Variants in SPIDR observed in about 807,000 individuals in gnomAD.
SPIDR encodes the protein DNA repair-scaffolding protein.
In SPIDR, 93 loss-of-function variants were observed where a neutral mutation model predicts 104.6. The ratio of observed to expected loss-of-function variants is 0.89; its 90% CI spans 0.75 to 1.06. The LOEUF (loss-of-function observed/expected upper bound fraction) is 1.06. Among genes scored for constraint, SPIDR ranks in the 50% least tolerant of loss-of-function variants. The pLI is 0.00. For missense variants in SPIDR, 1,154 were observed against 1,111.2 expected, an observed-to-expected ratio of 1.04 and a Z score of -0.55; for synonymous variants, 431 against 416.9, an observed-to-expected ratio of 1.03 and a Z score of -0.41.
At chr8:47,654,056 G>T in intron 10 of SPIDR, 1 of 1,289,618 alleles carries the variant, frequency 7.8e-7, no homozygotes, top group Non-Finnish European at 1.0e-6. Flanking sequence ...AGATAGGGGC[G>T]TGGTAGCAGC....
intron 5 of SPIDR, among the ~76,000 whole-genome samples, chr8:47,381,976 G>A (rs957806017): frequency 1.6e-4 from 24 of 152,212 alleles, no homozygotes; most frequent in African/African-American, 5.5e-4. Flanking sequence ...TTTAAAATAA[G>A]GATGTGATAA....
At chr8:47,649,772 G>T (rs1588821287) in intron 10 of SPIDR, among the ~76,000 whole-genome samples, 1 of 152,068 alleles carries the variant, frequency 6.6e-6, no homozygotes, top group East Asian at 1.9e-4. Context: ...GTAAATTTGA[G>T]ATTTAAAACT....
In SPIDR at chr8:47,328,714, G is replaced by T. The variant is rs533910497; in HGVS notation, c.525+34684G>T. 9.9e-5 allele frequency among the ~76,000 whole-genome samples: 15 copies of T among 152,192 alleles called. No homozygotes were observed. The South Asian group carries it at 3.1e-3, about 32-fold the overall frequency. ...CTTCACTTTTTTATCCTGCATGACA[G>T]TCTCTACCTTTGGCTGGGTTAATTT... On this transcript the variant is annotated intron_variant, in intron 5 of 19. Coordinates refer to ENST00000297423, the MANE Select transcript of SPIDR (RefSeq NM_001080394.4).
intron 7 of SPIDR, among the ~76,000 whole-genome samples, chr8:47,417,603 G>T (rs184978078): frequency 7.8e-4 from 119 of 152,210 alleles, no homozygotes; most frequent in Middle Eastern, 3.4e-3. Context: ...AGTTTCTTTT[G>T]CTCTGCAGAA....
At chr8:47,428,235 A>G (rs1038990038) in intron 7 of SPIDR, among the ~76,000 whole-genome samples, 1 of 152,180 alleles carries the variant, frequency 6.6e-6, no homozygotes, top group Non-Finnish European at 1.5e-5. Context: ...GGGATCAGCA[A>G]TTTCTATACA....
chr8:47,478,730 A>G (rs1435632951), intron 8 of SPIDR, among the ~76,000 whole-genome samples: 1 of 152,226 alleles, frequency 6.6e-6, no homozygotes, highest in Non-Finnish European at 1.5e-5. Flanking sequence ...GATCCCAGTA[A>G]AATGCTCATA....
At chr8:47,321,625 C>G (rs572887608) in intron 5 of SPIDR, among the ~76,000 whole-genome samples, 2 of 152,096 alleles carry the variant, frequency 1.3e-5, no homozygotes, top group African/African-American at 4.8e-5. Context: ...AAAAAAGAGC[C>G]GGTATTGCCA....
chr8:47,530,812 TGTA>T (rs1216062586), intron 8 of SPIDR, among the ~76,000 whole-genome samples: 1 of 152,206 alleles, frequency 6.6e-6, no homozygotes, highest in Non-Finnish European at 1.5e-5. Flanking sequence ...TTTATCCTTT[TGTA>T]GTAACACTTG....
chr8:47,545,166 G>A (rs1179779373), intron 8 of SPIDR, among the ~76,000 whole-genome samples: 2 of 143,026 alleles, frequency 1.4e-5, no homozygotes, highest in African/African-American at 2.6e-5. Flanking sequence ...TCTCGCCCAG[G>A]CTGGAGTGCA....
At position 47,440,371 on chromosome 8, in the gene SPIDR, A is replaced by T; in HGVS notation, c.926A>T (p.Glu309Val). 1 of 1,614,212 alleles carries T rather than the reference A, an allele frequency of 6.2e-7. No individual in the cohort carries two copies. The highest frequency in any genetic ancestry group is 8.5e-7 in the Non-Finnish European group (1 of 1,180,026). ...GTGAAAATTTTAGAGCTGCATGAGGAATGTGCCATGCAAGTTGCCATGTGT... is the reference window on the plus strand; with the variant it reads ...GTGAAAATTTTAGAGCTGCATGAGGTATGTGCCATGCAAGTTGCCATGTGT... ...LTVKILELHE[E>V]CAMQVAMCEQ... The change falls in exon 8 of 20, where the codon GAA becomes GTA. Residue 309 changes from glutamate to valine, a missense_variant. Transcript: ENST00000297423.
At chr8:47,351,956 C>T (rs2053577694) in intron 5 of SPIDR, among the ~76,000 whole-genome samples, 1 of 152,102 alleles carries the variant, frequency 6.6e-6, no homozygotes, top group Non-Finnish European at 1.5e-5. Flanking sequence ...AACAGATGTT[C>T]AGGATCCTTT....
intron 8 of SPIDR, among the ~76,000 whole-genome samples, chr8:47,443,667 G>C (rs1364573400): frequency 7.0e-6 from 1 of 142,504 alleles, no homozygotes; most frequent in Non-Finnish European, 1.5e-5. Flanking sequence ...GGAAACTTGA[G>C]AAATAATAGT....
chr8:47,564,677 CT>C (rs1287616535), intron 8 of SPIDR, among the ~76,000 whole-genome samples: 1 of 146,860 alleles, frequency 6.8e-6, no homozygotes, highest in Non-Finnish European at 1.5e-5. Context: ...AAGATTCCGT[CT>C]CCAAAAAGAA....
chr8:47,421,341 T>C (rs2154334572), intron 7 of SPIDR, among the ~76,000 whole-genome samples: 1 of 152,338 alleles, frequency 6.6e-6, no homozygotes, highest in East Asian at 1.9e-4. Context: ...ACTTCTCTTC[T>C]CACTTCATTT....
chr8:47,601,615 A>G (rs1000925561), intron 10 of SPIDR, among the ~76,000 whole-genome samples: 3 of 152,186 alleles, frequency 2.0e-5, no homozygotes, highest in Non-Finnish European at 4.4e-5. Flanking sequence ...AATCGCTTAA[A>G]CAGGGAGGCG....
chr8:47,321,767 A>G (rs1443058562), intron 5 of SPIDR, among the ~76,000 whole-genome samples: 1 of 152,218 alleles, frequency 6.6e-6, no homozygotes, highest in South Asian at 2.1e-4. Flanking sequence ...ATGGAACAGA[A>G]CAGAGCCCTC....
At chr8:47,295,198 T>C (rs1261167787) in intron 5 of SPIDR, among the ~76,000 whole-genome samples, 7 of 152,220 alleles carry the variant, frequency 4.6e-5, no homozygotes, top group South Asian at 2.1e-4. Flanking sequence ...CTTTCTTCTA[T>C]ATTTTGAACA....
At chr8:47,542,378 C>T (rs987404182) in intron 8 of SPIDR, among the ~76,000 whole-genome samples, 2 of 151,880 alleles carry the variant, frequency 1.3e-5, no homozygotes, top group African/African-American at 4.8e-5. Flanking sequence ...CCCAGAGTTG[C>T]GTGAGTGACT....
chr8:47,630,800 A>G (rs1308696350), intron 10 of SPIDR, among the ~76,000 whole-genome samples: 19 of 152,156 alleles, frequency 1.2e-4, no homozygotes, highest in Admixed American at 1.2e-3. Context: ...TGGTCTTCCC[A>G]TGCACCTGTA....
Sources: allele counts gnomAD v4.1 joint callset (sites outside exome capture counted in the v4.1 genomes callset), GRCh38; gene constraint gnomAD v4.1.1; transcripts MANE v1.5; gene names NCBI Gene and HGNC (gene_info 2026-07-23, HGNC 2026-07-21).